Variants in PURG observed in about 807,000 individuals in gnomAD.
PURG encodes purine rich element binding protein G.
A neutral mutation model predicts 24.3 loss-of-function variants in PURG; 3 were observed. The ratio of observed to expected loss-of-function variants is 0.12; its 90% CI spans 0.06 to 0.32. The LOEUF is 0.32. Ranked by LOEUF, PURG falls within the 10% of genes least tolerant of loss-of-function variation. The probability of loss-of-function intolerance (pLI) is 1.00; values close to 1 mark genes in which losing one functional copy is unlikely to be tolerated. For missense variants in PURG, 371 were observed against 439.1 expected (o/e 0.84, Z 1.39); for synonymous variants, 180 against 173.1 (o/e 1.04, Z -0.31).
chr8:31,002,736 G>C (rs892434555), intron 1 of PURG, among the ~76,000 whole-genome samples: 1 of 152,102 alleles, frequency 6.6e-6, no homozygotes, highest in Non-Finnish European at 1.5e-5. Context: ...CACTTGCCTC[G>C]GCCTCCCAAA....
chr8:31,006,518 CAAAACA>C (rs74998207), intron 1 of PURG, among the ~76,000 whole-genome samples: 308 of 150,884 alleles, frequency 2.0e-3, no homozygotes, highest in East Asian at 5.5e-3. Context: ...AGCTCCGTCT[CAAAACA>C]AAAACAAAAA....
intron 1 of PURG, among the ~76,000 whole-genome samples, chr8:30,999,477 TA>T (rs1810493730): frequency 6.6e-6 from 1 of 151,896 alleles, no homozygotes; most frequent in African/African-American, 2.4e-5. Flanking sequence ...TAGTTTAAGT[TA>T]AACATTTTGT....
chr8:31,029,571 A>G (rs1053179331), downstream of PURG, among the ~76,000 whole-genome samples: 1 of 151,822 alleles, frequency 6.6e-6, no homozygotes, highest in African/African-American at 2.4e-5. Flanking sequence ...CAAAAGGTAA[A>G]AGGAAATCAT....
chr8:31,020,042 G>A (rs1486287197), intron 1 of PURG, among the ~76,000 whole-genome samples: 8 of 151,966 alleles, frequency 5.3e-5, no homozygotes, highest in African/African-American at 1.4e-4. Context: ...GTGGTGGCAC[G>A]CGCCTGTAAT....
intron 1 of PURG, among the ~76,000 whole-genome samples, chr8:31,019,799 G>C (rs1429446476): frequency 1.3e-5 from 2 of 151,066 alleles, no homozygotes; most frequent in Admixed American, 1.3e-4. Context: ...CCAAAGTGCT[G>C]GGAGTACAGG....
chr8:31,009,591 A>G (rs1306588800), intron 1 of PURG, among the ~76,000 whole-genome samples: 2 of 152,144 alleles, frequency 1.3e-5, no homozygotes, highest in East Asian at 3.8e-4. Context: ...TTCCTAGCTA[A>G]CAGTATGCTT....
chr8:30,998,576 C>A (rs2543598), intron 1 of PURG, among the ~76,000 whole-genome samples: 106,099 of 151,582 alleles, frequency 0.7, 38,341 homozygotes, highest in East Asian at 0.96. Context: ...TCTTCAATCC[C>A]TAAGGTATTA....
chr8:30,996,762 C>A (rs1174642786), intron 1 of PURG: 1 of 1,214,942 alleles, frequency 8.2e-7, no homozygotes, highest in Non-Finnish European at 1.2e-6. Flanking sequence ...CCACTATTTT[C>A]ACAGTACAAA....
intron 1 of PURG, among the ~76,000 whole-genome samples, chr8:31,000,363 C>T (rs565472874): frequency 6.6e-6 from 1 of 152,212 alleles, no homozygotes; most frequent in Non-Finnish European, 1.5e-5. Context: ...ATCTCTTACT[C>T]ATGTAATAAT....
intron 1 of PURG, among the ~76,000 whole-genome samples, chr8:30,999,950 C>T (rs571903044): frequency 3.4e-5 from 5 of 147,416 alleles, no homozygotes; most frequent in Admixed American, 2.8e-4. Flanking sequence ...ATGCAATGTA[C>T]ATAAGTCGTA....
At chr8:30,997,084 C>T (rs16877623) in intron 1 of PURG, among the ~76,000 whole-genome samples, 4,522 of 151,742 alleles carry the variant, frequency 0.03, 215 homozygotes, top group African/African-American at 0.1. Flanking sequence ...AATTACAGTA[C>T]GGCAGCAATT....
chr8:31,015,900 A>C (rs927826513), intron 1 of PURG, among the ~76,000 whole-genome samples: 2 of 152,100 alleles, frequency 1.3e-5, no homozygotes, highest in Non-Finnish European at 2.9e-5. Flanking sequence ...AAAATAAAAA[A>C]AAATTCGCCA....
chr8:31,026,658 A>ATATATC (rs1447267529), downstream of PURG, among the ~76,000 whole-genome samples: 1 of 125,336 alleles, frequency 8.0e-6, no homozygotes, highest in Non-Finnish European at 1.8e-5. Context: ...ATATATATAT[A>ATATATC]TATACATACA....
At position 31,032,783 on chromosome 8, in the gene PURG, C is replaced by A; in HGVS notation, c.-1G>T. 7.0e-7 allele frequency: 1 copy of A among 1,421,626 alleles called. No homozygotes were observed. The highest frequency in any genetic ancestry group is 9.2e-7 in the Non-Finnish European group (1 of 1,084,198). 88.1% of individuals were successfully genotyped at this position (1,421,626 alleles called of 1,614,324 possible). On this transcript the variant is annotated 5_prime_UTR_variant, in exon 2 of 2. Coordinates refer to ENST00000523392, the MANE Select transcript of PURG (RefSeq NM_001323311.2). This position sits in a 1 kb window ranked among gnomAD's most constrained non-coding sequence, Gnocchi z 5.9. ...CTCCCCTTCGCCTGGCTCTTTCCAT[C>A]TTCAGCTGCAAGTAACAAACAGACA... is the stretch of plus-strand genomic sequence containing the variant.
At chr8:31,006,606 A>G (rs1324472978) in intron 1 of PURG, among the ~76,000 whole-genome samples, 1 of 152,226 alleles carries the variant, frequency 6.6e-6, no homozygotes, top group Non-Finnish European at 1.5e-5. Context: ...TGTAATTCCA[A>G]GTGAAACACA....
downstream of PURG, among the ~76,000 whole-genome samples, chr8:31,030,530 G>A (rs1811173426): frequency 6.6e-6 from 1 of 151,932 alleles, no homozygotes; most frequent in Non-Finnish European, 1.5e-5. Context: ...GGTGAGTCTT[G>A]TGTAAAGTCA....
chr8:31,004,825 T>C (rs1202332971), intron 1 of PURG, among the ~76,000 whole-genome samples: 2 of 152,222 alleles, frequency 1.3e-5, no homozygotes, highest in Non-Finnish European at 2.9e-5. Flanking sequence ...TTTAGTAATT[T>C]AGAGTCTTCC....
At chr8:30,998,504 T>A (rs1810473119) in intron 1 of PURG, among the ~76,000 whole-genome samples, 1 of 151,776 alleles carries the variant, frequency 6.6e-6, no homozygotes, top group South Asian at 2.1e-4. Context: ...CTATCAGAAG[T>A]TTGATAGCAT....
intron 1 of PURG, among the ~76,000 whole-genome samples, chr8:31,014,019 AGAAAATATT>A (rs1245443086): frequency 6.6e-6 from 1 of 152,224 alleles, no homozygotes; most frequent in Admixed American, 6.5e-5. Context: ...TTTTTCTCCC[AGAAAATATT>A]TCTAATTTTA....
Sources: allele counts gnomAD v4.1 joint callset (sites outside exome capture counted in the v4.1 genomes callset), GRCh38; gene constraint gnomAD v4.1.1; non-coding constraint Gnocchi (gnomAD v3.1); transcripts MANE v1.5; gene names NCBI Gene and HGNC (gene_info 2026-07-23, HGNC 2026-07-21).